Variants in AHCTF1 observed in about 807,000 individuals in gnomAD.
AHCTF1 encodes AT-hook containing transcription factor 1.
In AHCTF1, 24 loss-of-function variants were observed where a neutral mutation model predicts 248.4. The observed-to-expected ratio is 0.10, with a 90% CI of 0.07 to 0.14. The LOEUF is 0.14. Among genes scored for constraint, AHCTF1 ranks in the 10% least tolerant of loss-of-function variants. AHCTF1 has a pLI of 1.00. For missense variants in AHCTF1, 2,206 were observed against 2,636.2 expected, an observed-to-expected ratio of 0.84 and a Z score of 3.57; for synonymous variants, 786 against 929.8, an observed-to-expected ratio of 0.85 and a Z score of 2.81.
chr1:246,855,065 T>C (rs1205947330), intron 31 of AHCTF1, among the ~76,000 whole-genome samples: 1 of 152,250 alleles, frequency 6.6e-6, no homozygotes, highest in Non-Finnish European at 1.5e-5. Flanking sequence ...ACCCCATTCA[T>C]AATGTACCAG....
chr1:246,842,724 A>G lies in AHCTF1; in HGVS notation c.6578T>C (p.Ile2193Thr), dbSNP rs1429819071. 3.7e-6 allele frequency: 6 copies of G among 1,613,720 alleles called. No homozygotes were observed. The highest frequency in any genetic ancestry group is 5.1e-6 in the Non-Finnish European group (6 of 1,180,008). Residue 2193 changes from isoleucine to threonine, a missense_variant, in exon 35 of 36, where the codon ATC becomes ACC. This residue lies in a region of AHCTF1 where 469 missense variants were observed against 470.0 expected (regional missense o/e 1.00). Transcript: ENST00000648844. ...TGCTTGTTTTGTTTTTGACGTCCTG[A>G]TTCGTTTCGCTTTTGGCTTTCCCAG... Reference protein sequence around the residue: ...ETLGKPKAKRIRTSKTKQASK... With the variant: ...ETLGKPKAKRTRTSKTKQASK...
At chr1:246,921,338 G>A (rs938826749) in intron 1 of AHCTF1, among the ~76,000 whole-genome samples, 1 of 152,044 alleles carries the variant, frequency 6.6e-6, no homozygotes, top group Non-Finnish European at 1.5e-5. Context: ...ACTTGGTGCT[G>A]AGTACACAGG....
At chr1:246,918,032 A>G (rs1348162472) in intron 2 of AHCTF1, among the ~76,000 whole-genome samples, 1 of 152,172 alleles carries the variant, frequency 6.6e-6, no homozygotes, top group Non-Finnish European at 1.5e-5. Flanking sequence ...GAGATTTTTA[A>G]TAAGGAAAAA....
chr1:246,868,944 A>C (rs192547227), intron 24 of AHCTF1, among the ~76,000 whole-genome samples: 2,201 of 149,074 alleles, frequency 0.015, 23 homozygotes, highest in Non-Finnish European at 0.022. Context: ...TCCCGGGTTC[A>C]CGCCATTCTC....
At chr1:246,908,824 G>T (rs2103198784) in intron 4 of AHCTF1, among the ~76,000 whole-genome samples, 1 of 151,512 alleles carries the variant, frequency 6.6e-6, no homozygotes, top group South Asian at 2.1e-4. Context: ...TGTGAATCCG[G>T]GAGGCAGAGC....
Position 246,900,329 on chromosome 1 carries a change from A to C in AHCTF1, c.1250+8T>G. ...AGAGAAAGGAGAGAGAAAAAAAAAG[A>C]ATCATACCTTAACGAATCTGGCATT... is the stretch of plus-strand genomic sequence containing the variant. On this transcript the variant is annotated splice_region_variant and intron_variant, in intron 9 of 35. Coordinates refer to ENST00000648844, the MANE Select transcript of AHCTF1 (RefSeq NM_001323342.2). 6.3e-7 allele frequency: 1 copy of C among 1,587,576 alleles called. No individual in the cohort carries two copies. Among genetic ancestry groups the C allele is most frequent in the Non-Finnish European group, 8.5e-7 (1 of 1,173,888 alleles).
chr1:246,877,443 A>C lies in AHCTF1; in HGVS notation c.2661-141T>G, dbSNP rs1036820957. On this transcript the variant is annotated intron_variant, in intron 21 of 35. Transcript: ENST00000648844. ...GAAAAGTACTTTAAAAATTTGTTGA[A>C]TACTAAGTACTGCATAATAATCTTG... 1.6e-5 allele frequency: 14 copies of C among 876,962 alleles called. No individual in the cohort carries two copies. The African/African-American group carries it at 2.1e-4, about 13-fold the overall frequency. 54.3% of individuals were successfully genotyped at this position (876,962 alleles called of 1,614,324 possible).
At chr1:246,869,133 A>ATG (rs1558232490) in intron 24 of AHCTF1, among the ~76,000 whole-genome samples, 2 of 151,564 alleles carry the variant, frequency 1.3e-5, no homozygotes, top group Non-Finnish European at 2.9e-5. Context: ...GTGAGCCACC[A>ATG]CGCCCGGCCG....
rs551709168 is a variant in AHCTF1 at position 246,875,997 on chromosome 1, T to C, written c.3088+40A>G. 137 of 1,525,016 alleles carry C rather than the reference T, an allele frequency of 9.0e-5. 1 individual carries two copies. In the South Asian group the frequency reaches 1.6e-3, roughly 18 times the overall value. 94.5% of individuals were successfully genotyped at this position (1,525,016 alleles called of 1,614,324 possible). A position where few individuals can be genotyped will look rare whatever the true frequency, so the allele number is the denominator to read the frequency against. On this transcript the variant is annotated intron_variant, in intron 24 of 35. Coordinates refer to ENST00000648844, the MANE Select transcript of AHCTF1 (RefSeq NM_001323342.2). ...AAAAGTAATCATTCAGTATCTTTTT[T>C]GATCCAATAGATTATGATATTCTTC... is the stretch of plus-strand genomic sequence containing the variant.
chr1:246,872,388 T>G (rs1360296066), intron 24 of AHCTF1, among the ~76,000 whole-genome samples: 1 of 152,140 alleles, frequency 6.6e-6, no homozygotes, highest in Non-Finnish European at 1.5e-5. Context: ...TAGACACCTT[T>G]ACTGGCTAAA....
intron 8 of AHCTF1, among the ~76,000 whole-genome samples, chr1:246,902,129 G>A (rs1037074064): frequency 2.0e-5 from 3 of 151,912 alleles, no homozygotes; most frequent in South Asian, 2.1e-4. Context: ...TTAAAAAACC[G>A]ATGCAAAAAA....
intron 2 of AHCTF1, among the ~76,000 whole-genome samples, chr1:246,917,251 T>G (rs1360989044): frequency 6.6e-6 from 1 of 152,206 alleles, no homozygotes; most frequent in Admixed American, 6.5e-5. Flanking sequence ...TTGGATTTCC[T>G]TGCTGATGAA....
chr1:246,908,698 T>C (rs986718475), intron 4 of AHCTF1, among the ~76,000 whole-genome samples: 4 of 141,148 alleles, frequency 2.8e-5, no homozygotes, highest in East Asian at 2.1e-4. Context: ...CCATCCTGGC[T>C]AACACGGTGA....
Position 246,842,721 on chromosome 1 carries a change from C to T in AHCTF1, c.6581G>A (p.Arg2194Lys), listed in dbSNP as rs1659969306. 1 of 1,613,644 alleles carries T rather than the reference C, an allele frequency of 6.2e-7. No homozygotes were observed. Among genetic ancestry groups the T allele is most frequent in the Non-Finnish European group, 8.5e-7 (1 of 1,179,988 alleles). Residue 2194 changes from arginine (R) to lysine (K), a missense_variant, in exon 35 of 36, where the codon AGG (arginine) becomes AAG (lysine). Arg to Lys is a conservative substitution (Grantham distance 26). Transcript: ENST00000648844. ...GCTTGCTTGTTTTGTTTTTGACGTCCTGATTCGTTTCGCTTTTGGCTTTCC... is the reference window on the plus strand; with the variant it reads ...GCTTGCTTGTTTTGTTTTTGACGTCTTGATTCGTTTCGCTTTTGGCTTTCC... Reference protein sequence around the residue: ...TLGKPKAKRIRTSKTKQASKN... With the variant: ...TLGKPKAKRIKTSKTKQASKN...
intron 12 of AHCTF1, among the ~76,000 whole-genome samples, chr1:246,897,565 G>A (rs1034763749): frequency 7.2e-5 from 11 of 152,118 alleles, no homozygotes; most frequent in African/African-American, 2.7e-4. Context: ...ACATATCAAG[G>A]CTATGTATAT....
intron 24 of AHCTF1, among the ~76,000 whole-genome samples, chr1:246,868,975 G>C (rs1050158958): frequency 4.9e-5 from 7 of 142,854 alleles, no homozygotes; most frequent in African/African-American, 8.0e-5. Flanking sequence ...CTGCTGAGTA[G>C]CTGGGACTAC....
intron 26 of AHCTF1, among the ~76,000 whole-genome samples, chr1:246,865,942 C>T (rs904546788): frequency 6.6e-6 from 1 of 152,038 alleles, no homozygotes; most frequent in South Asian, 2.1e-4. Context: ...TAACTTTTTA[C>T]TTGTTAGAGC....
rs1660635902 is a variant in AHCTF1, at chr1:246,850,636, A to G, written c.5370T>C (p.Tyr1790=). The G allele has an allele frequency of 1.2e-5, 19 of 1,613,854 alleles. No individual in the cohort carries two copies. Among genetic ancestry groups the G allele is most frequent in the Non-Finnish European group, 1.5e-5 (18 of 1,179,822 alleles). Residue 1790 remains tyrosine, a synonymous_variant, in exon 33 of 36, where the codon TAT becomes TAC. Coordinates refer to ENST00000648844, the MANE Select transcript of AHCTF1 (RefSeq NM_001323342.2). ...TCTGAGATAGTCCTCTGACATCAGAATAGATGTTTTCAGAAGCTTCAGAAA... is the reference window on the plus strand; with the variant it reads ...TCTGAGATAGTCCTCTGACATCAGAGTAGATGTTTTCAGAAGCTTCAGAAA... ...KEISEASENI[Y]SDVRGLSQNQ...
Position 246,861,190 on chromosome 1 carries a change from G to A in AHCTF1, c.3841C>T (p.Leu1281=), listed in dbSNP as rs1027399405. 5.6e-6 allele frequency: 9 copies of A among 1,613,446 alleles called. No homozygotes were observed. Among genetic ancestry groups the A allele is most frequent in the East Asian group, 2.2e-5 (1 of 44,898 alleles). ...TGATGCTCCTTTTCAGGGCTGTTCA[G>A]GAAAAAAGATGTGGTCCTATCTTTG... is the stretch of plus-strand genomic sequence containing the variant. The part of the protein sequence containing the change: ...KSKDRTTSFF[L]NSPEKEHQEM... Residue 1281 remains leucine, a synonymous_variant, in exon 29 of 36, where the codon CTG becomes TTG. Coordinates refer to ENST00000648844, the MANE Select transcript of AHCTF1 (RefSeq NM_001323342.2).
Sources: allele counts gnomAD v4.1 joint callset (sites outside exome capture counted in the v4.1 genomes callset), GRCh38; gene constraint gnomAD v4.1.1; regional missense constraint gnomAD v4.1.1; transcripts MANE v1.5; gene names NCBI Gene and HGNC (gene_info 2026-07-23, HGNC 2026-07-21).